Variants in NAV2 observed in about 807,000 individuals in gnomAD.
The protein encoded by NAV2 is helicase, APC down-regulated 1.
NAV2 carries 54 observed loss-of-function variants against 223.2 expected under a neutral mutation model. That is an observed-to-expected ratio of 0.24 (90% CI 0.19 to 0.30). The LOEUF (loss-of-function observed/expected upper bound fraction) is 0.30, where lower values mean the gene tolerates loss of function less well. Among genes scored for constraint, NAV2 ranks in the 10% least tolerant of loss-of-function variants. The pLI, the probability that NAV2 is intolerant of heterozygous loss-of-function variation, is 1.00. For missense variants in NAV2, 2,806 were observed against 3,147.5 expected, an observed-to-expected ratio of 0.89 and a Z score of 2.60; for synonymous variants, 1,279 against 1,239.3, an observed-to-expected ratio of 1.03 and a Z score of -0.67.
chr11:19,731,723 C>A (rs746706581), intron 1 of NAV2, among the ~76,000 whole-genome samples: 4 of 152,212 alleles, frequency 2.6e-5, no homozygotes, highest in Non-Finnish European at 5.9e-5. Flanking sequence ...ATCATTTAAC[C>A]TCTTGAGCCT....
At chr11:19,951,291 C>T (rs952437858) in intron 10 of NAV2, among the ~76,000 whole-genome samples, 4 of 152,136 alleles carry the variant, frequency 2.6e-5, no homozygotes, top group Non-Finnish European at 4.4e-5. Flanking sequence ...AGCTGCCCAA[C>T]ACCTTACAGT....
chr11:19,868,714 A>T, intron 3 of NAV2, among the ~76,000 whole-genome samples: 1 of 152,148 alleles, frequency 6.6e-6, no homozygotes, highest in Non-Finnish European at 1.5e-5. Context: ...GGCGGCTGTG[A>T]GCAATGCAAG....
rs1256043294 is a variant in NAV2, at chr11:20,054,074, G to A, written c.4482-6G>A. On this transcript the variant is annotated splice_polypyrimidine_tract_variant and splice_region_variant and intron_variant, in intron 17 of 37. Transcript: ENST00000349880. ...GTTAATTCCGGCTTGATTTCTGTCT[G>A]TCCAGGTATACTCCCACCTCCCAGC... 1.2e-5 allele frequency: 19 copies of A among 1,612,574 alleles called. No individual in the cohort carries two copies. The highest frequency in any genetic ancestry group is 1.4e-5 in the Non-Finnish European group (17 of 1,179,654).
At chr11:19,974,924 G>A (rs2625293) in intron 10 of NAV2, among the ~76,000 whole-genome samples, 30,420 of 152,186 alleles carry the variant, frequency 0.2, 3,432 homozygotes, top group East Asian at 0.53. Flanking sequence ...TACATCTTGC[G>A]TGTATGAAGC....
intron 5 of NAV2, among the ~76,000 whole-genome samples, chr11:19,887,028 ATTTT>A (rs1381918930): frequency 6.6e-6 from 1 of 151,958 alleles, no homozygotes; most frequent in Non-Finnish European, 1.5e-5. Flanking sequence ...CCTGTGAAGA[ATTTT>A]AGCTGATCAA....
At chr11:19,658,114 A>G (rs981680807) in intron 1 of NAV2, among the ~76,000 whole-genome samples, 5 of 152,184 alleles carry the variant, frequency 3.3e-5, no homozygotes, top group African/African-American at 7.2e-5. Context: ...AGCATTCTAC[A>G]TTTATAAACT....
chr11:19,518,790 G>A (rs113576779), intron 1 of NAV2, among the ~76,000 whole-genome samples: 7 of 152,088 alleles, frequency 4.6e-5, no homozygotes, highest in African/African-American at 1.4e-4. Flanking sequence ...GGGTGTTTGC[G>A]CCCCTACTCA....
At chr11:19,804,523 C>T in intron 1 of NAV2, among the ~76,000 whole-genome samples, 1 of 152,176 alleles carries the variant, frequency 6.6e-6, no homozygotes, top group East Asian at 1.9e-4. Flanking sequence ...TGTTAATCAG[C>T]ATATTGTGAT....
At chr11:19,853,754 CT>C (rs5790093) in intron 3 of NAV2, among the ~76,000 whole-genome samples, 101,151 of 148,906 alleles carry the variant, frequency 0.68, 34,470 homozygotes, top group South Asian at 0.8. Context: ...ACCTCTGTAA[CT>C]TTTTTTTTTT....
intron 1 of NAV2, among the ~76,000 whole-genome samples, chr11:19,529,550 T>A (rs1270450947): frequency 6.6e-6 from 1 of 152,106 alleles, no homozygotes; most frequent in Non-Finnish European, 1.5e-5. Flanking sequence ...CTTACCCGAA[T>A]GGAAGTTACC....
Position 19,471,806 on chromosome 11 carries a change from C to T in NAV2, c.75+120779C>T, listed in dbSNP as rs75904066. Among the ~76,000 whole-genome samples, 1,107 of 152,282 alleles carry T rather than the reference C, an allele frequency of 7.3e-3. 8 individuals carry two copies. The highest frequency in any genetic ancestry group is 0.011 in the Non-Finnish European group (770 of 68,022). ...CCTACTGCACCTCCCCTGGCACCCG[C>T]GTGGCTGCCAGAGCCACCAGAGCCT... is the stretch of plus-strand genomic sequence containing the variant. On this transcript the variant is annotated intron_variant, in intron 1 of 37. Coordinates refer to the NAV2 transcript ENST00000360655.
intron 6 of NAV2, among the ~76,000 whole-genome samples, chr11:19,928,785 A>C (rs2045032016): frequency 6.6e-6 from 1 of 152,176 alleles, no homozygotes; most frequent in Non-Finnish European, 1.5e-5. Flanking sequence ...TTTCTAACAA[A>C]TGGGGCAACT....
In NAV2 at chr11:19,713,824, C is replaced by G; in HGVS notation, c.129C>G (p.Ser43Arg). 1 of 1,613,228 alleles carries G rather than the reference C, an allele frequency of 6.2e-7. No individual in the cohort carries two copies. Among genetic ancestry groups the G allele is most frequent in the Non-Finnish European group, 8.5e-7 (1 of 1,179,790 alleles). Residue 43 changes from serine to arginine, a missense_variant, in exon 1 of 38, where the codon AGC (serine) becomes AGG (arginine). This residue lies in a region of NAV2 where 1,167 missense variants were observed against 1,180.5 expected (regional missense o/e 0.99). Transcript: ENST00000349880. The surrounding 1 kb of genome is among the most constrained non-coding windows in gnomAD (Gnocchi z 7.2). ...AGCCCTGCTACCTGAAGTTGGGAAGCAAGGTGGAGGTGAGCAAGACCACCT... is the reference window on the plus strand; with the variant it reads ...AGCCCTGCTACCTGAAGTTGGGAAGGAAGGTGGAGGTGAGCAAGACCACCT... ...GPQPCYLKLG[S>R]KVEVSKTTYP...
intron 1 of NAV2, among the ~76,000 whole-genome samples, chr11:19,800,484 C>T (rs1411241962): frequency 6.6e-6 from 1 of 152,122 alleles, no homozygotes; most frequent in East Asian, 1.9e-4. Flanking sequence ...TTCTTCTTCC[C>T]ATTTCTAAGT....
At chr11:19,375,601 G>A (rs1590075807) in intron 1 of NAV2, among the ~76,000 whole-genome samples, 2 of 152,208 alleles carry the variant, frequency 1.3e-5, no homozygotes, top group African/African-American at 4.8e-5. Context: ...TGAGGGTACA[G>A]TTTACAGTCC....
At chr11:20,053,927 C>T (rs891318747) in intron 17 of NAV2, among the ~76,000 whole-genome samples, 153 bp from the exon 18 acceptor site, 1 of 152,128 alleles carries the variant, frequency 6.6e-6, no homozygotes, top group Non-Finnish European at 1.5e-5. Context: ...TTTTGAGAAA[C>T]TTCATAAGTT....
intron 22 of NAV2, among the ~76,000 whole-genome samples, chr11:20,071,549 T>C (rs1414468185): frequency 2.0e-5 from 3 of 152,206 alleles, no homozygotes; most frequent in Non-Finnish European, 4.4e-5. Context: ...CTGTCTTACA[T>C]AATGGTTGAA....
intron 1 of NAV2, chr11:19,502,561 T>C (rs2702657): frequency 2.0e-5 from 3 of 152,042 alleles, no homozygotes; most frequent in African/African-American, 7.2e-5. Context: ...TGCCCAGCTA[T>C]CTAGGCAAGT....
intron 1 of NAV2, among the ~76,000 whole-genome samples, chr11:19,622,807 A>T (rs1340146482): frequency 1.3e-5 from 2 of 152,154 alleles, no homozygotes; most frequent in Non-Finnish European, 2.9e-5. Context: ...TCCTGTCATT[A>T]TGATGTTAGC....
Sources: gnomAD v4.1 joint callset for allele counts (sites outside exome capture counted in the v4.1 genomes callset) on GRCh38, gnomAD v4.1.1 for gene constraint, gnomAD v4.1.1 regional missense constraint, Gnocchi (gnomAD v3.1) non-coding constraint, MANE v1.5 for transcripts, NCBI Gene and HGNC (gene_info 2026-07-23, HGNC 2026-07-21) for gene names.